USP44: variants seen among roughly 807,000 people sequenced by gnomAD.
USP44 encodes ubiquitin carboxyl-terminal hydrolase 44.
Under a neutral mutation model 69.0 loss-of-function variants are expected in USP44, and 61 were observed. The observed-to-expected ratio is 0.88, with a 90% CI of 0.72 to 1.09. The LOEUF (loss-of-function observed/expected upper bound fraction) is 1.09. Among genes scored for constraint, USP44 ranks in the 50% least tolerant of loss-of-function variants. The pLI, the probability that USP44 is intolerant of heterozygous loss-of-function variation, is 0.00. For synonymous variants in USP44, 297 were observed against 295.4 expected, an observed-to-expected ratio of 1.01 and a Z score of -0.06; for missense variants, 753 against 849.9, an observed-to-expected ratio of 0.89 and a Z score of 1.42.
intron 1 of USP44, among the ~76,000 whole-genome samples, chr12:95,544,809 C>G (rs1299570219): frequency 6.6e-6 from 1 of 152,000 alleles, no homozygotes; most frequent in African/African-American, 2.4e-5. Flanking sequence ...AGAAGCTTCC[C>G]CCCGCCATAG....
intron 1 of USP44, among the ~76,000 whole-genome samples, chr12:95,540,549 C>G (rs1273207215): frequency 2.0e-5 from 3 of 152,068 alleles, no homozygotes; most frequent in East Asian, 1.9e-4. Flanking sequence ...ACCGTGTTGG[C>G]CAGGCTGGTC....
intron 5 of USP44, among the ~76,000 whole-genome samples, chr12:95,519,091 C>G (rs1333976465): frequency 6.6e-6 from 1 of 152,056 alleles, no homozygotes; most frequent in African/African-American, 2.4e-5. Context: ...CATAAGTATG[C>G]TAATGACTGC....
intron 5 of USP44, among the ~76,000 whole-genome samples, chr12:95,519,869 G>A (rs1347855381): frequency 2.4e-4 from 37 of 151,034 alleles, no homozygotes; most frequent in Middle Eastern, 3.2e-3. Context: ...GTGAAACCCC[G>A]TCTCTACTAA....
intron 5 of USP44, 117 bp downstream of exon 5, chr12:95,520,880 A>C (rs1220492580): frequency 8.9e-6 from 8 of 898,052 alleles, no homozygotes; most frequent in Non-Finnish European, 1.4e-5. Context: ...TCTCCCTAAG[A>C]AAATAAGTGG....
chr12:95,549,902 G>T (rs371513401), intron 1 of USP44, among the ~76,000 whole-genome samples: 26 of 152,146 alleles, frequency 1.7e-4, no homozygotes, highest in African/African-American at 4.3e-4. Context: ...ATAGAGGCCG[G>T]GCGCAGTGGC....
intron 2 of USP44, among the ~76,000 whole-genome samples, chr12:95,531,014 A>T (rs1225396668): frequency 6.6e-6 from 1 of 151,968 alleles, no homozygotes; most frequent in Admixed American, 6.6e-5. Flanking sequence ...AACACAAAAA[A>T]TTGGCTGGGT....
chr12:95,519,602 G>A (rs1233910912), intron 5 of USP44, among the ~76,000 whole-genome samples: 8 of 149,626 alleles, frequency 5.3e-5, no homozygotes, highest in African/African-American at 1.2e-4. Context: ...CACCACGCCC[G>A]GCTAATTTTT....
In USP44 at chr12:95,533,004, C is replaced by A; in HGVS notation, c.1253G>T (p.Gly418Val). 6.2e-7 allele frequency: 1 copy of A among 1,614,104 alleles called. No individual in the cohort carries two copies. Among genetic ancestry groups the A allele is most frequent in the East Asian group, 2.2e-5 (1 of 44,886 alleles). ...TTCCTGAGCGTCTTGTTGGGCGTAA[C>A]CACGAAAGGCAGGAATGAGTCTCCA... ...SVWRLIPAFR[G>V]YAQQDAQEFL... The change falls in exon 2 of 6, where the codon GGT becomes GTT. Residue 418 changes from glycine (G) to valine (V), a missense_variant. Coordinates refer to ENST00000258499, the MANE Select transcript of USP44 (RefSeq NM_032147.5).
At chr12:95,545,436 ATT>A (rs1386553576) in intron 1 of USP44, among the ~76,000 whole-genome samples, 1 of 152,220 alleles carries the variant, frequency 6.6e-6, no homozygotes, top group African/African-American at 2.4e-5. Context: ...AAGTTGTATG[ATT>A]TGTTATTTTC....
In USP44 at chr12:95,518,279, T is replaced by G. The variant is rs1236672248; in HGVS notation, c.2014A>C (p.Ile672Leu). Residue 672 changes from isoleucine (I) to leucine (L), a missense_variant, in exon 6 of 6, where the codon ATC (isoleucine) becomes CTC (leucine). Physicochemically the swap from Ile to Leu is conservative, Grantham distance 5 (BLOSUM62 2). Coordinates refer to ENST00000258499, the MANE Select transcript of USP44 (RefSeq NM_032147.5). Reference sequence around the variant, plus strand: ...GTAACTCGTTGGGTATAAAACAAGATATAAGCTTGAGCCTTGCATACTTCA... The same window carrying G: ...GTAACTCGTTGGGTATAAAACAAGAGATAAGCTTGAGCCTTGCATACTTCA... Reference protein sequence around the residue: ...MDEVCKAQAYILFYTQRVTEN... With the variant: ...MDEVCKAQAYLLFYTQRVTEN... The G allele has an allele frequency of 2.5e-6, 4 of 1,614,086 alleles. No individual in the cohort carries two copies. In the African/African-American group the frequency reaches 5.3e-5, roughly 22 times the overall value.
chr12:95,545,682 C>G lies in USP44; in HGVS notation c.-71+5590G>C, dbSNP rs563151062. On this transcript the variant is annotated intron_variant, in intron 1 of 5. Transcript: ENST00000258499. ...TTTGTGAAACGCCAAGGGTCAAGCA[C>G]AGTGCTTGGTTCACAGAAAGGGGTT... Among the ~76,000 whole-genome samples the G allele has an allele frequency of 6.0e-4, 92 of 152,310 alleles. 1 individual carries two copies. Among genetic ancestry groups the G allele is most frequent in the African/African-American group, 2.2e-3 (91 of 41,572 alleles).
chr12:95,530,807 A>C (rs2076995719), intron 2 of USP44, among the ~76,000 whole-genome samples: 1 of 152,180 alleles, frequency 6.6e-6, no homozygotes, highest in Non-Finnish European at 1.5e-5. Context: ...TTAATTGATG[A>C]CATTATAATA....
chr12:95,518,213 A>G lies in USP44; in HGVS notation c.2080T>C (p.Leu694=), dbSNP rs762173468. The change falls in exon 6 of 6, where the codon TTG becomes CTG. Residue 694 remains leucine (L), a synonymous_variant. Transcript: ENST00000258499. ...TCTTCATTGGGATGTTGGCTCCCCAACAGGAGCTCTGGAGGCAAAAGTTTA... is the reference window on the plus strand; with the variant it reads ...TCTTCATTGGGATGTTGGCTCCCCAGCAGGAGCTCTGGAGGCAAAAGTTTA... The part of the protein sequence containing the change: ...HSKLLPPELL[L]GSQHPNEDAD... 6.2e-6 allele frequency: 10 copies of G among 1,614,078 alleles called. No individual in the cohort carries two copies. The highest frequency in any genetic ancestry group is 2.7e-5 in the African/African-American group (2 of 74,928).
chr12:95,541,616 G>A (rs531602712), intron 1 of USP44, among the ~76,000 whole-genome samples: 11 of 152,054 alleles, frequency 7.2e-5, no homozygotes, highest in Admixed American at 5.2e-4. Context: ...CTGATATTCC[G>A]TTTCATTTAA....
intron 5 of USP44, among the ~76,000 whole-genome samples, chr12:95,519,617 T>A (rs2076588702): frequency 6.6e-6 from 1 of 151,230 alleles, no homozygotes; most frequent in African/African-American, 2.4e-5. Context: ...ATTTTTTTTT[T>A]TTATTTTTAG....
At chr12:95,530,230 G>GT (rs1472451296) in intron 2 of USP44, among the ~76,000 whole-genome samples, 5 of 152,148 alleles carry the variant, frequency 3.3e-5, no homozygotes, top group African/African-American at 1.2e-4. Context: ...CTCTCCTGGC[G>GT]TTTATAGTCT....
At chr12:95,542,163 G>A (rs2077410746) in intron 1 of USP44, among the ~76,000 whole-genome samples, 1 of 152,152 alleles carries the variant, frequency 6.6e-6, no homozygotes, top group African/African-American at 2.4e-5. Flanking sequence ...TTATAGGCAT[G>A]AGACACTATG....
chr12:95,527,495 G>GT (rs1310438704), intron 3 of USP44, among the ~76,000 whole-genome samples: 1 of 151,946 alleles, frequency 6.6e-6, no homozygotes, highest in African/African-American at 2.4e-5. Flanking sequence ...GTTTTTGTGT[G>GT]TTTTTTTGAG....
rs770688072 is a variant in USP44 at position 95,534,201 on chromosome 12, T to C, written c.56A>G (p.His19Arg). The C allele has an allele frequency of 2.4e-5, 39 of 1,614,008 alleles. No individual in the cohort carries two copies. The Admixed American group carries it at 4.7e-4, about 19-fold the overall frequency. The change falls in exon 2 of 6, where the codon CAT becomes CGT. Residue 19 changes from histidine to arginine, a missense_variant. Transcript: ENST00000258499. ...HVGQLQLAQDHSSLNPQKWHC... is the reference protein window; with the variant it reads ...HVGQLQLAQDRSSLNPQKWHC... ...CCATTTCTGAGGGTTGAGGCTGGAA[T>C]GGTCTTGAGCAAGCTGCAGCTGCCC...
Sources: allele counts gnomAD v4.1 joint callset (sites outside exome capture counted in the v4.1 genomes callset), GRCh38; gene constraint gnomAD v4.1.1; transcripts MANE v1.5; gene names NCBI Gene and HGNC (gene_info 2026-07-23, HGNC 2026-07-21).